ZBTB49: variants seen among roughly 807,000 people sequenced by gnomAD.
ZBTB49 encodes the protein zinc finger and BTB domain-containing protein 49.
Under a neutral mutation model 57.5 loss-of-function variants are expected in ZBTB49, and 43 were observed. The observed-to-expected ratio is 0.75, with a 90% confidence interval of 0.59 to 0.97. The LOEUF (loss-of-function observed/expected upper bound fraction) is 0.97, where lower values mean the gene tolerates loss of function less well. ZBTB49 is among the 50% of genes least tolerant of loss of function. The pLI is 0.00. For missense variants in ZBTB49, 938 were observed against 947.7 expected, an observed-to-expected ratio of 0.99 and a Z score of 0.13; for synonymous variants, 369 against 362.1, an observed-to-expected ratio of 1.02 and a Z score of -0.22.
intron 3 of ZBTB49, among the ~76,000 whole-genome samples, chr4:4,303,298 A>T (rs115204213): frequency 6.6e-6 from 1 of 152,218 alleles, no homozygotes; most frequent in African/African-American, 2.4e-5. Context: ...TTATAAAGTC[A>T]CTTTAAAAAG....
At position 4,321,129 on chromosome 4, in the gene ZBTB49, T is replaced by C. The variant is rs1721398141; in HGVS notation, c.2111T>C (p.Leu704Pro). 2 of 1,614,152 alleles carry C rather than the reference T, an allele frequency of 1.2e-6. No homozygotes were observed. Among genetic ancestry groups the C allele is most frequent in the Non-Finnish European group, 1.7e-6 (2 of 1,180,018 alleles). Reference protein sequence around the residue: ...DVDTPAGGEPLQADGMAMIRS... With the variant: ...DVDTPAGGEPPQADGMAMIRS... ...GACACCCCAGCCGGTGGCGAACCAC[T>C]GCAGGCCGATGGCATGGCCATGATC... Residue 704 changes from leucine (L) to proline (P), a missense_variant, in exon 8 of 8, where the codon CTG becomes CCG. Leu to Pro is a moderately conservative substitution (Grantham distance 98). Coordinates refer to ENST00000337872, the MANE Select transcript of ZBTB49 (RefSeq NM_145291.4).
rs998492950 is a variant in ZBTB49, at chr4:4,320,752, C to G, written c.1734C>G (p.Leu578=). 6.2e-7 allele frequency: 1 copy of G among 1,614,226 alleles called. No individual in the cohort carries two copies. Among genetic ancestry groups the G allele is most frequent in the South Asian group, 1.1e-5 (1 of 91,080 alleles). The change falls in exon 8 of 8, where the codon CTC becomes CTG. Residue 578 remains leucine (L), a synonymous_variant. Coordinates refer to ENST00000337872, the MANE Select transcript of ZBTB49 (RefSeq NM_145291.4). The part of the protein sequence containing the change: ...CNKCFTRSAV[L]RRHKKMHCKA... ...AGTGCTTTACCCGCTCTGCGGTGCT[C>G]CGGCGGCACAAGAAGATGCACTGCA...
At chr4:4,317,658 G>A (rs1577249295) in intron 7 of ZBTB49, among the ~76,000 whole-genome samples, 1 of 151,974 alleles carries the variant, frequency 6.6e-6, no homozygotes. Flanking sequence ...GTGTGGGGGT[G>A]TGTTTCCATT....
intron 3 of ZBTB49, among the ~76,000 whole-genome samples, chr4:4,303,760 C>CTCTCTCTCTCTGTGTGTGTG (rs1223289249): frequency 0.17 from 20,229 of 119,656 alleles, 2,385 homozygotes; most frequent in Non-Finnish European, 0.24. Context: ...CTCTCTCTCT[C>CTCTCTCTCTCTGTGTGTGTG]TGTGTGTGTG....
At chr4:4,306,635 T>C (rs866144975) in intron 4 of ZBTB49, among the ~76,000 whole-genome samples, 16 of 152,202 alleles carry the variant, frequency 1.1e-4, no homozygotes, top group African/African-American at 3.9e-4. Flanking sequence ...TTAGCTGACC[T>C]CCATTAAGGT....
In ZBTB49 at chr4:4,299,920, G is replaced by C. The variant is rs748155648; in HGVS notation, c.-19-7G>C. ...ATATCTGTCGTATCTGTGATTTTTT[G>C]CTGTAGGTCACCTGAATGGTTGAGC... On this transcript the variant is annotated splice_region_variant and splice_polypyrimidine_tract_variant and intron_variant, in intron 1 of 7. Transcript: ENST00000337872. 50 of 1,608,386 alleles carry C rather than the reference G, an allele frequency of 3.1e-5. No individual in the cohort carries two copies. The highest frequency in any genetic ancestry group is 4.1e-5 in the Non-Finnish European group (48 of 1,177,312).
intron 5 of ZBTB49, 149 bp from the exon 6 acceptor site, chr4:4,315,487 C>T (rs1577247524): frequency 2.8e-6 from 2 of 720,040 alleles, no homozygotes; most frequent in East Asian, 5.5e-5. Flanking sequence ...GGGTTTTTTC[C>T]ATGCACGTTT....
Position 4,315,737 on chromosome 4 carries a change from C to T in ZBTB49, c.1459+19C>T, listed in dbSNP as rs184058190. The T allele has an allele frequency of 0.015, 24,202 of 1,611,634 alleles. 238 individuals carry two copies. The highest frequency in any genetic ancestry group is 0.018 in the Non-Finnish European group (21,117 of 1,179,892). Reference sequence around the variant, plus strand: ...GGTCGAGGTACAGCTGAGTGTTTTCCTATTCTTCTTGAAGATTTCTGATTA... The same window carrying T: ...GGTCGAGGTACAGCTGAGTGTTTTCTTATTCTTCTTGAAGATTTCTGATTA... On this transcript the variant is annotated intron_variant, in intron 6 of 7. Coordinates refer to ENST00000337872, the MANE Select transcript of ZBTB49 (RefSeq NM_145291.4).
At chr4:4,308,906 C>T (rs1443432995) in intron 4 of ZBTB49, among the ~76,000 whole-genome samples, 17 of 152,204 alleles carry the variant, frequency 1.1e-4, no homozygotes, top group Admixed American at 1.1e-3. Context: ...TGAGAGATTG[C>T]TTAGGTGAGC....
chr4:4,306,611 G>A (rs372511557), intron 4 of ZBTB49, among the ~76,000 whole-genome samples: 1 of 152,152 alleles, frequency 6.6e-6, no homozygotes, highest in African/African-American at 2.4e-5. Context: ...TGTTCCCTGT[G>A]TTGACTGCTA....
Position 4,321,745 on chromosome 4 carries a change from A to G in ZBTB49, c.*429A>G, listed in dbSNP as rs140256914. On this transcript the variant is annotated 3_prime_UTR_variant, in exon 8 of 8. Transcript: ENST00000337872. The stretch of plus-strand genomic sequence containing the variant: ...GAATTTATTTGTATATGAAACTCAT[A>G]CCATAATTTAATTCGAATAAATGAA... 2.1e-4 allele frequency: 37 copies of G among 176,932 alleles called. No individual in the cohort carries two copies. Among genetic ancestry groups the G allele is most frequent in the African/African-American group, 7.4e-4 (31 of 41,802 alleles). 11.0% of individuals were successfully genotyped at this position (176,932 alleles called of 1,614,324 possible).
intron 2 of ZBTB49, 83 bp downstream of exon 2, chr4:4,300,180 C>T (rs1462673645): frequency 1.4e-6 from 2 of 1,458,170 alleles, no homozygotes. Flanking sequence ...TTTTGTTCTC[C>T]TTGGATTTCA....
chr4:4,301,920 A>C, intron 2 of ZBTB49, 69 bp from the exon 3 acceptor site: 1 of 1,351,904 alleles, frequency 7.4e-7, no homozygotes, highest in Non-Finnish European at 9.7e-7. Context: ...TTAATATATG[A>C]ATGTTATTTA....
chr4:4,313,320 GA>G (rs1385005614), intron 5 of ZBTB49, among the ~76,000 whole-genome samples: 1 of 152,222 alleles, frequency 6.6e-6, no homozygotes, highest in Non-Finnish European at 1.5e-5. Flanking sequence ...TTCAAAGAAA[GA>G]AAAGCTGGGA....
intron 3 of ZBTB49, among the ~76,000 whole-genome samples, chr4:4,303,726 T>TTCTCTCTCTCTCTCTC (rs148456390): frequency 4.9e-5 from 6 of 121,732 alleles, no homozygotes; most frequent in African/African-American, 1.6e-4. Context: ...TTTTAAGGTA[T>TTCTCTCTCTCTCTCTC]TCTCTCTCTC....
chr4:4,309,406 T>C (rs1341524200), intron 4 of ZBTB49, among the ~76,000 whole-genome samples: 4 of 152,166 alleles, frequency 2.6e-5, no homozygotes. Context: ...CTCTGTGGCG[T>C]AGAACATGGA....
chr4:4,316,949 G>C (rs1422742029), intron 7 of ZBTB49, among the ~76,000 whole-genome samples: 1 of 152,196 alleles, frequency 6.6e-6, no homozygotes, highest in Non-Finnish European at 1.5e-5. Flanking sequence ...GAAGCTGGAG[G>C]ATCTCTTGAG....
intron 1 of ZBTB49, among the ~76,000 whole-genome samples, chr4:4,291,996 G>A (rs1023840612): frequency 6.6e-5 from 10 of 152,262 alleles, no homozygotes; most frequent in African/African-American, 2.2e-4. Context: ...AAATTAGGCG[G>A]GTGTGGTGGC....
chr4:4,303,726 T>TTCTCTCTCTCTCTCTCTCTCTCTC (rs148456390), intron 3 of ZBTB49, among the ~76,000 whole-genome samples: 2 of 121,738 alleles, frequency 1.6e-5, no homozygotes, highest in Non-Finnish European at 3.4e-5. Context: ...TTTTAAGGTA[T>TTCTCTCTCTCTCTCTCTCTCTCTC]TCTCTCTCTC....
Sources: gnomAD v4.1 joint callset for allele counts (sites outside exome capture counted in the v4.1 genomes callset) on GRCh38, gnomAD v4.1.1 for gene constraint, MANE v1.5 for transcripts, NCBI Gene and HGNC (gene_info 2026-07-23, HGNC 2026-07-21) for gene names.